The following CEP63 variants were observed in gnomAD, a reference collection of about 807,000 sequenced individuals.
CEP63 encodes the protein centrosomal protein 63, also known as centrosomal protein of 63 kDa.
A neutral mutation model predicts 89.1 loss-of-function variants in CEP63; 84 were observed. That is an observed-to-expected ratio of 0.94 (90% CI 0.79 to 1.13). The LOEUF is 1.13. CEP63 is among the 50% of genes most tolerant of loss of function. CEP63 has a pLI of 0.00. For missense variants in CEP63, 838 were observed against 813.3 expected, an observed-to-expected ratio of 1.03 and a Z score of -0.37; for synonymous variants, 267 against 272.5, an observed-to-expected ratio of 0.98 and a Z score of 0.20.
chr3:134,556,244 C>T (rs1472805051), intron 12 of CEP63, among the ~76,000 whole-genome samples: 6 of 151,744 alleles, frequency 4.0e-5, no homozygotes, highest in Non-Finnish European at 1.5e-5. Flanking sequence ...ACACCAAAAG[C>T]AATGGCAACA....
chr3:134,697,943 C>T, the CEP63 span, among the ~76,000 whole-genome samples: 2,067 of 152,280 alleles, frequency 0.014, 24 homozygotes, highest in Middle Eastern at 0.027. Flanking sequence ...TGTGGGTTGT[C>T]CTCTGATGCA....
chr3:134,669,824 T>A, the CEP63 span, among the ~76,000 whole-genome samples: 8 of 152,210 alleles, frequency 5.3e-5, no homozygotes, highest in Admixed American at 2.0e-4. Context: ...GTTTTAATGG[T>A]TACCAACTAG....
chr3:134,678,119 C>T, the CEP63 span, among the ~76,000 whole-genome samples: 2 of 152,098 alleles, frequency 1.3e-5, no homozygotes, highest in African/African-American at 2.4e-5. Context: ...CTCAGATGCC[C>T]TCCCGCTGCC....
chr3:134,738,963 T>C, the CEP63 span, among the ~76,000 whole-genome samples: 1 of 63,448 alleles, frequency 1.6e-5, no homozygotes, highest in East Asian at 9.5e-4. Flanking sequence ...TGGATGGCTA[T>C]AATAAAAAAA....
the CEP63 span, among the ~76,000 whole-genome samples, chr3:134,781,075 AT>A: frequency 6.6e-6 from 1 of 152,144 alleles, no homozygotes; most frequent in South Asian, 2.1e-4. Flanking sequence ...ATATACATTG[AT>A]CCTAAATCTC....
chr3:134,652,739 T>C, the CEP63 span, among the ~76,000 whole-genome samples: 1 of 152,134 alleles, frequency 6.6e-6, no homozygotes, highest in African/African-American at 2.4e-5. Flanking sequence ...TATGCAAAGC[T>C]CTTGGGGTGT....
At chr3:134,770,574 T>G in the CEP63 span, among the ~76,000 whole-genome samples, 1 of 152,244 alleles carries the variant, frequency 6.6e-6, no homozygotes, top group East Asian at 1.9e-4. Flanking sequence ...AACTTGTTTC[T>G]CCTTGTGATT....
chr3:134,662,869 G>A, the CEP63 span, among the ~76,000 whole-genome samples: 1 of 152,330 alleles, frequency 6.6e-6, no homozygotes, highest in Admixed American at 6.5e-5. Flanking sequence ...CTGTTTGACA[G>A]GGAACTAAAC....
At chr3:134,766,542 C>T in the CEP63 span, among the ~76,000 whole-genome samples, 1 of 152,232 alleles carries the variant, frequency 6.6e-6, no homozygotes, top group East Asian at 1.9e-4. Flanking sequence ...TTGTACTATT[C>T]TTGTACTAGG....
chr3:134,606,164 A>C, the CEP63 span, among the ~76,000 whole-genome samples: 6 of 151,872 alleles, frequency 4.0e-5, no homozygotes, highest in African/African-American at 9.7e-5. Context: ...GTTCCATCTC[A>C]CAACTGGCTG....
chr3:134,622,214 C>T, the CEP63 span, among the ~76,000 whole-genome samples: 3 of 152,100 alleles, frequency 2.0e-5, no homozygotes, highest in East Asian at 1.9e-4. Context: ...GTCCAAGGTA[C>T]GCAACCAAAA....
chr3:134,608,578 C>T, the CEP63 span: 41 of 1,612,396 alleles, frequency 2.5e-5, no homozygotes, highest in East Asian at 7.1e-4. Context: ...CAGTCTCAGG[C>T]GGGCTCCTGG....
At chr3:134,542,940 C>CA (rs10645147) in intron 6 of CEP63, among the ~76,000 whole-genome samples, 49,583 of 147,380 alleles carry the variant, frequency 0.34, 8,436 homozygotes, top group African/African-American at 0.39. Context: ...GTGGTTAGTG[C>CA]AAAAAAAAAA....
the CEP63 span, among the ~76,000 whole-genome samples, chr3:134,701,413 CATAT>C: frequency 2.3e-4 from 11 of 47,786 alleles, 1 homozygote; most frequent in East Asian, 5.0e-4. Flanking sequence ...CATATACACA[CATAT>C]ATATACGTAT....
intron 12 of CEP63, among the ~76,000 whole-genome samples, chr3:134,554,912 C>CAT (rs1955817326): frequency 2.0e-5 from 3 of 151,844 alleles, no homozygotes; most frequent in African/African-American, 7.3e-5. Context: ...ATGTCCTTTG[C>CAT]CCACTTTTTG....
the CEP63 span, among the ~76,000 whole-genome samples, chr3:134,684,497 G>T: frequency 6.6e-6 from 1 of 152,096 alleles, no homozygotes; most frequent in African/African-American, 2.4e-5. Context: ...ATTCATCTAT[G>T]GACATACTTC....
chr3:134,552,076 A>G, intron 12 of CEP63, 64 bp downstream of exon 12: 1 of 858,024 alleles, frequency 1.2e-6, no homozygotes, highest in Non-Finnish European at 1.9e-6. Context: ...CTTTGTAAAT[A>G]TTTACATTAT....
At chr3:134,603,400 T>A in the CEP63 span, 1 of 573,676 alleles carries the variant, frequency 1.7e-6, no homozygotes, top group Non-Finnish European at 3.0e-6. Context: ...CACACCTGAG[T>A]GAAGCCTTCA....
At chr3:134,605,678 G>C in the CEP63 span, among the ~76,000 whole-genome samples, 5 of 150,656 alleles carry the variant, frequency 3.3e-5, no homozygotes, top group Non-Finnish European at 7.4e-5. Context: ...TCCCCCCACT[G>C]CCTCCATTTC....
Sources: gnomAD v4.1 joint callset for allele counts (sites outside exome capture counted in the v4.1 genomes callset) on GRCh38, gnomAD v4.1.1 for gene constraint, MANE v1.5 for transcripts, NCBI Gene and HGNC (gene_info 2026-07-23, HGNC 2026-07-21) for gene names.